CADPS2: variants seen among roughly 807,000 people sequenced by gnomAD.
CADPS2 encodes the protein calcium-dependent secretion activator 2.
A neutral mutation model predicts 172.5 loss-of-function variants in CADPS2; 93 were observed. The observed-to-expected ratio is 0.54, with a 90% CI of 0.46 to 0.64. CADPS2 has a LOEUF of 0.64. Ranked by LOEUF, CADPS2 falls within the 30% of genes least tolerant of loss-of-function variation. The probability of loss-of-function intolerance (pLI) is 0.00; values close to 1 mark genes in which losing one functional copy is unlikely to be tolerated. For missense variants in CADPS2, 1,420 were observed against 1,565.9 expected, an observed-to-expected ratio of 0.91 and a Z score of 1.57; for synonymous variants, 546 against 555.2, an observed-to-expected ratio of 0.98 and a Z score of 0.23.
intron 6 of CADPS2, among the ~76,000 whole-genome samples, chr7:122,589,776 A>C (rs1331898023): frequency 1.3e-5 from 2 of 151,814 alleles, no homozygotes; most frequent in African/African-American, 4.8e-5. Flanking sequence ...AAAATGAATG[A>C]GCTTATGAAG....
At chr7:122,747,181 C>T (rs2092752744) in intron 1 of CADPS2, among the ~76,000 whole-genome samples, 1 of 151,996 alleles carries the variant, frequency 6.6e-6, no homozygotes, top group Non-Finnish European at 1.5e-5. Flanking sequence ...CTGAGAAGTT[C>T]TCATTGCAAT....
intron 23 of CADPS2, 44 bp from the exon 24 acceptor site, chr7:122,387,217 C>CAT: frequency 6.5e-7 from 1 of 1,537,796 alleles, no homozygotes; most frequent in Non-Finnish European, 8.8e-7. Context: ...TTCTGCTATA[C>CAT]AGCTCACCTG....
chr7:122,417,524 T>G (rs560132286), intron 17 of CADPS2, among the ~76,000 whole-genome samples: 2 of 152,150 alleles, frequency 1.3e-5, no homozygotes, highest in African/African-American at 4.8e-5. Flanking sequence ...AGAAAATCTC[T>G]ACTGAAAAGA....
intron 2 of CADPS2, among the ~76,000 whole-genome samples, chr7:122,736,296 A>T (rs2092144553): frequency 6.6e-6 from 1 of 152,168 alleles, no homozygotes; most frequent in Non-Finnish European, 1.5e-5. Flanking sequence ...CTTCAGCTGA[A>T]AGGTGTTGAG....
chr7:122,782,877 C>T (rs891580350), intron 1 of CADPS2, among the ~76,000 whole-genome samples: 3 of 151,852 alleles, frequency 2.0e-5, no homozygotes, highest in Non-Finnish European at 4.4e-5. Context: ...CTCAGTATTC[C>T]TTTTTATACT....
At chr7:122,514,128 A>G (rs1323823186) in intron 8 of CADPS2, among the ~76,000 whole-genome samples, 1 of 152,154 alleles carries the variant, frequency 6.6e-6, no homozygotes, top group Non-Finnish European at 1.5e-5. Flanking sequence ...TGTTGTGGAG[A>G]GCTATTCCAA....
At chr7:122,824,173 T>G (rs1804201205) in intron 1 of CADPS2, among the ~76,000 whole-genome samples, 1 of 152,230 alleles carries the variant, frequency 6.6e-6, no homozygotes, top group Non-Finnish European at 1.5e-5. Flanking sequence ...GAGTGTTTGC[T>G]TATATCATTT....
intron 15 of CADPS2, among the ~76,000 whole-genome samples, chr7:122,450,328 A>ATGGAACTTATT (rs1176668246): frequency 3.9e-5 from 6 of 152,284 alleles, no homozygotes; most frequent in South Asian, 4.1e-4. Flanking sequence ...CAGACAGGTT[A>ATGGAACTTATT]TAAGACACAA....
chr7:122,415,537 A>G (rs1174473203), intron 18 of CADPS2, among the ~76,000 whole-genome samples: 2 of 148,948 alleles, frequency 1.3e-5, no homozygotes, highest in Admixed American at 6.8e-5. Context: ...AGAGAAATAG[A>G]GTGAGATTTC....
chr7:122,418,803 T>C lies in CADPS2; in HGVS notation c.2477-2639A>G, dbSNP rs560723928. Reference sequence around the variant, plus strand: ...ATAAAGTTAGGTAATGGGTCTTCAATGGACCATCCCATATATTTTAGCACT... The same window carrying C: ...ATAAAGTTAGGTAATGGGTCTTCAACGGACCATCCCATATATTTTAGCACT... On this transcript the variant is annotated intron_variant, in intron 17 of 29. Transcript: ENST00000449022. Among the ~76,000 whole-genome samples the C allele has an allele frequency of 1.1e-4, 17 of 152,308 alleles. No homozygotes were observed. The South Asian group carries it at 3.1e-3, about 28-fold the overall frequency.
In CADPS2 at chr7:122,886,025, T is replaced by A. The variant is rs1824276717; in HGVS notation, c.313A>T (p.Thr105Ser). Residue 105 changes from threonine (T) to serine (S), a missense_variant, in exon 1 of 30, where the codon ACC (threonine) becomes TCC (serine). Physicochemically the swap from Thr to Ser is moderately conservative, Grantham distance 58. Transcript: ENST00000449022. ...IAYPFNAKQP[T>S]DMARRQQKLN... is the part of the protein sequence containing the mutation. ...TTCTGCTGCCTCCGGGCCATGTCGGTGGGCTGCTTGGCGTTGAAGGGGTAC... is the reference window on the plus strand; with the variant it reads ...TTCTGCTGCCTCCGGGCCATGTCGGAGGGCTGCTTGGCGTTGAAGGGGTAC... The A allele has an allele frequency of 1.2e-6, 2 of 1,608,346 alleles. No individual in the cohort carries two copies. Among genetic ancestry groups the A allele is most frequent in the Non-Finnish European group, 1.7e-6 (2 of 1,177,806 alleles).
intron 1 of CADPS2, among the ~76,000 whole-genome samples, chr7:122,752,937 G>A (rs1472688347): frequency 6.6e-6 from 1 of 152,114 alleles, no homozygotes; most frequent in African/African-American, 2.4e-5. Context: ...TAGAAAGGAA[G>A]GAAACAAGAA....
intron 2 of CADPS2, among the ~76,000 whole-genome samples, chr7:122,721,586 T>C (rs2090408125): frequency 6.6e-6 from 1 of 152,142 alleles, no homozygotes; most frequent in African/African-American, 2.4e-5. Context: ...CCAGATGGAT[T>C]CACAGCCGAA....
intron 22 of CADPS2, among the ~76,000 whole-genome samples, chr7:122,391,103 T>G: frequency 6.6e-6 from 1 of 152,230 alleles, no homozygotes; most frequent in South Asian, 2.1e-4. Context: ...ATATAAATGT[T>G]TCTTTTTATT....
intron 2 of CADPS2, among the ~76,000 whole-genome samples, chr7:122,717,794 A>G (rs1179376023): frequency 6.6e-6 from 1 of 151,994 alleles, no homozygotes; most frequent in East Asian, 1.9e-4. Flanking sequence ...CTAGCACAAG[A>G]GCAGTATATC....
intron 29 of CADPS2, among the ~76,000 whole-genome samples, chr7:122,323,988 C>T (rs1214223651): frequency 6.8e-6 from 1 of 147,806 alleles, no homozygotes; most frequent in Non-Finnish European, 1.5e-5. Flanking sequence ...CTTCAAGTCA[C>T]ATTTATAGAA....
At chr7:122,678,306 T>C (rs1427422870) in intron 2 of CADPS2, among the ~76,000 whole-genome samples, 1 of 152,236 alleles carries the variant, frequency 6.6e-6, no homozygotes, top group Admixed American at 6.5e-5. Context: ...TAACTGTAAA[T>C]GTGTGGTTTT....
At chr7:122,747,945 C>T (rs2092788222) in intron 1 of CADPS2, among the ~76,000 whole-genome samples, 1 of 152,150 alleles carries the variant, frequency 6.6e-6, no homozygotes, top group Admixed American at 6.6e-5. Context: ...ATCTTATCCT[C>T]TTTGTGCCAC....
At chr7:122,790,945 T>C (rs186511517) in intron 1 of CADPS2, among the ~76,000 whole-genome samples, 81 of 152,244 alleles carry the variant, frequency 5.3e-4, no homozygotes, top group Middle Eastern at 3.4e-3. Context: ...CATAAAGAAA[T>C]GGTAGCACCC....
Sources: gnomAD v4.1 joint callset for allele counts (sites outside exome capture counted in the v4.1 genomes callset) on GRCh38, gnomAD v4.1.1 for gene constraint, MANE v1.5 for transcripts, NCBI Gene and HGNC (gene_info 2026-07-23, HGNC 2026-07-21) for gene names.